RBFOX1: variants seen among roughly 807,000 people sequenced by gnomAD.
The protein encoded by RBFOX1 is RNA binding fox-1 homolog 1, also known as RNA binding protein fox-1 homolog 1.
A neutral mutation model predicts 57.7 loss-of-function variants in RBFOX1; 8 were observed. The observed-to-expected ratio is 0.14, with a 90% CI of 0.08 to 0.25. The LOEUF (loss-of-function observed/expected upper bound fraction) is 0.25, where lower values mean the gene tolerates loss of function less well. RBFOX1 is among the 10% of genes least tolerant of loss of function. The pLI is 1.00. For missense variants in RBFOX1, 611 were observed against 548.5 expected (o/e 1.11, Z -1.14); for synonymous variants, 326 against 222.4 (o/e 1.47, Z -4.15).
chr16:5,842,368 G>A (rs1461902274), intron 3 of RBFOX1, among the ~76,000 whole-genome samples: 1 of 152,104 alleles, frequency 6.6e-6, no homozygotes, highest in Non-Finnish European at 1.5e-5. Context: ...TTCTCTCTGT[G>A]GGAAATCACA....
rs978392988 is a variant in RBFOX1, at chr16:6,502,389, A to T, written c.-63-152214A>T. Among the ~76,000 whole-genome samples, 9 of 152,156 alleles carry T rather than the reference A, an allele frequency of 5.9e-5. No homozygotes were observed. In the East Asian group the frequency reaches 1.7e-3, roughly 29 times the overall value. ...GGTGTCCCAAACCAGTGGTATAAGT[A>T]AGAGCTTAGGTCTTGAGTCCATCAC... On this transcript the variant is annotated intron_variant, in intron 2 of 15. Transcript: ENST00000550418.
At chr16:5,498,335 G>T (rs2043072384) in intron 2 of RBFOX1, among the ~76,000 whole-genome samples, 1 of 152,078 alleles carries the variant, frequency 6.6e-6, no homozygotes, top group Non-Finnish European at 1.5e-5. Context: ...GTAGAGACAG[G>T]GTTTCACCAT....
chr16:5,926,008 C>CA (rs2058933644), intron 4 of RBFOX1, among the ~76,000 whole-genome samples: 2 of 152,150 alleles, frequency 1.3e-5, no homozygotes, highest in Admixed American at 1.3e-4. Context: ...TGGTAGCAGT[C>CA]AGACTACCCC....
chr16:7,017,041 C>G (rs1252019300), intron 3 of RBFOX1, among the ~76,000 whole-genome samples: 1 of 152,118 alleles, frequency 6.6e-6, no homozygotes, highest in Non-Finnish European at 1.5e-5. Context: ...ATCCTTCAGC[C>G]TCTTTCTCTT....
chr16:5,394,861 T>C (rs1282444387), intron 1 of RBFOX1, among the ~76,000 whole-genome samples: 1 of 152,130 alleles, frequency 6.6e-6, no homozygotes, highest in Non-Finnish European at 1.5e-5. Context: ...GTCTTTTTTT[T>C]CCTTATTATG....
At chr16:5,992,322 A>T (rs2060414585) in intron 4 of RBFOX1, among the ~76,000 whole-genome samples, 1 of 152,256 alleles carries the variant, frequency 6.6e-6, no homozygotes, top group Non-Finnish European at 1.5e-5. Context: ...AACATTGCTT[A>T]GGCAACTCTG....
At chr16:6,414,542 G>A (rs531465141) in intron 2 of RBFOX1, among the ~76,000 whole-genome samples, 6 of 152,186 alleles carry the variant, frequency 3.9e-5, no homozygotes, top group Non-Finnish European at 5.9e-5. Flanking sequence ...GCAGTGACAA[G>A]TGCAAAGAAG....
intron 1 of RBFOX1, among the ~76,000 whole-genome samples, chr16:6,220,446 G>C (rs1328354116): frequency 6.6e-6 from 1 of 152,050 alleles, no homozygotes. Context: ...AATTATACTT[G>C]GTAATAGCTT....
At position 6,149,101 on chromosome 16, in the gene RBFOX1, C is replaced by G. The variant is rs1239281780; in HGVS notation, c.-127+129109C>G. Reference sequence around the variant, plus strand: ...AAATTTAATGAAATGCAAACAAATACTTAGCAGTTCTAAAGGGCATGAAGT... The same window carrying G: ...AAATTTAATGAAATGCAAACAAATAGTTAGCAGTTCTAAAGGGCATGAAGT... On this transcript the variant is annotated intron_variant, in intron 1 of 15. Coordinates refer to ENST00000550418, the MANE Select transcript of RBFOX1 (RefSeq NM_018723.4). 5.9e-5 allele frequency among the ~76,000 whole-genome samples: 9 copies of G among 152,300 alleles called. No individual in the cohort carries two copies. In the South Asian group the frequency reaches 1.0e-3, roughly 18 times the overall value.
intron 3 of RBFOX1, among the ~76,000 whole-genome samples, chr16:7,003,530 A>T (rs376124667): frequency 5.8e-4 from 88 of 152,200 alleles, no homozygotes; most frequent in Middle Eastern, 3.4e-3. Context: ...GCTCTCAGGG[A>T]TGCATATTTA....
At chr16:5,334,444 CTG>C (rs2064845454) in intron 1 of RBFOX1, among the ~76,000 whole-genome samples, 1 of 152,020 alleles carries the variant, frequency 6.6e-6, no homozygotes, top group Admixed American at 6.6e-5. Flanking sequence ...AATTCTCTCT[CTG>C]GGGTTGTCTC....
chr16:6,299,919 C>T (rs1229262599), intron 1 of RBFOX1, among the ~76,000 whole-genome samples: 1 of 152,180 alleles, frequency 6.6e-6, no homozygotes, highest in Non-Finnish European at 1.5e-5. Flanking sequence ...CTGTAACAAA[C>T]CTGCTTGTGT....
intron 3 of RBFOX1, among the ~76,000 whole-genome samples, chr16:5,823,263 A>G (rs570472306): frequency 3.5e-4 from 53 of 152,246 alleles, no homozygotes; most frequent in African/African-American, 1.3e-3. Flanking sequence ...TTGGTACTTG[A>G]TAACTATTTT....
intron 3 of RBFOX1, among the ~76,000 whole-genome samples, chr16:6,834,057 A>AT (rs71147606): frequency 0.51 from 76,788 of 150,516 alleles, 20,818 homozygotes; most frequent in East Asian, 0.86. Flanking sequence ...TCCAATAAAT[A>AT]TTTTTTTTTC....
intron 5 of RBFOX1, among the ~76,000 whole-genome samples, chr16:7,571,462 A>T (rs1001617675): frequency 3.3e-5 from 5 of 152,228 alleles, no homozygotes; most frequent in African/African-American, 7.2e-5. Flanking sequence ...TATTCATTGA[A>T]TTAGGAACGA....
rs61482131 is a variant in RBFOX1 at position 7,418,774 on chromosome 16, G to GTCTCTA, written c.28-99367_28-99362dup. On this transcript the variant is annotated intron_variant, in intron 4 of 15. Transcript: ENST00000550418. ...TTCTCCTCTCTCTCACTGTGTCTGT[G>GTCTCTA]TCTCTATCTCTGTCTTTCTCTGTCT... 7.3e-4 allele frequency among the ~76,000 whole-genome samples: 110 copies of GTCTCTA among 151,664 alleles called. No homozygotes were observed. The Middle Eastern group carries it at 0.014, about 19-fold the overall frequency.
intron 3 of RBFOX1, among the ~76,000 whole-genome samples, chr16:5,638,123 C>A (rs1319875521): frequency 6.6e-6 from 1 of 152,162 alleles, no homozygotes; most frequent in Non-Finnish European, 1.5e-5. Context: ...TTCATAGATA[C>A]AGTGCTGAGC....
chr16:6,461,045 C>A (rs568621050), intron 2 of RBFOX1, among the ~76,000 whole-genome samples: 8 of 152,120 alleles, frequency 5.3e-5, no homozygotes, highest in Non-Finnish European at 1.0e-4. Context: ...TAAGTGGGAG[C>A]TGAACAATGA....
At chr16:6,662,031 A>G (rs1003675361) in intron 3 of RBFOX1, among the ~76,000 whole-genome samples, 24 of 152,112 alleles carry the variant, frequency 1.6e-4, no homozygotes, top group Non-Finnish European at 1.9e-4. Flanking sequence ...TAAGCCACAC[A>G]CAGAAAGGCA....
Sources: allele counts gnomAD v4.1 joint callset (sites outside exome capture counted in the v4.1 genomes callset), GRCh38; gene constraint gnomAD v4.1.1; transcripts MANE v1.5; gene names NCBI Gene and HGNC (gene_info 2026-07-23, HGNC 2026-07-21).